The following GAB1 variants were observed in gnomAD, a reference collection of about 807,000 sequenced individuals.
GAB1 encodes the protein GRB2-associated-binding protein 1.
In GAB1, 19 loss-of-function variants were observed where a neutral mutation model predicts 66.5. The ratio of observed to expected loss-of-function variants is 0.29; its 90% confidence interval spans 0.20 to 0.42. The LOEUF is 0.42. Among genes scored for constraint, GAB1 ranks in the 10% least tolerant of loss-of-function variants. The pLI is 1.00. For missense variants in GAB1, 732 were observed against 858.5 expected, an observed-to-expected ratio of 0.85 and a Z score of 1.84; for synonymous variants, 294 against 301.4, an observed-to-expected ratio of 0.98 and a Z score of 0.25.
At chr4:143,400,867 G>T (rs1053930267) in intron 1 of GAB1, among the ~76,000 whole-genome samples, 1 of 151,490 alleles carries the variant, frequency 6.6e-6, no homozygotes, top group African/African-American at 2.4e-5. Context: ...TACTTAGAAG[G>T]TTGAGACAGG....
intron 2 of GAB1, among the ~76,000 whole-genome samples, chr4:143,427,228 C>G (rs1219400619): frequency 6.6e-6 from 1 of 152,104 alleles, no homozygotes; most frequent in African/African-American, 2.4e-5. Context: ...ATCTAACTGC[C>G]TTTATAATAA....
intron 2 of GAB1, chr4:143,425,651 C>A: frequency 1.3e-6 from 1 of 761,096 alleles, no homozygotes; most frequent in Non-Finnish European, 2.4e-6. Flanking sequence ...AACTCTACTT[C>A]TACAGAGATC....
At chr4:143,353,648 A>G (rs1456236071) in intron 1 of GAB1, among the ~76,000 whole-genome samples, 1 of 149,374 alleles carries the variant, frequency 6.7e-6, no homozygotes, top group African/African-American at 2.5e-5. Flanking sequence ...AGTTCAATTC[A>G]GTAACCTTGG....
At chr4:143,457,615 T>TTTTA in intron 6 of GAB1, 2 of 497,708 alleles carry the variant, frequency 4.0e-6, no homozygotes, top group Non-Finnish European at 6.5e-6. Flanking sequence ...TTTTTTTTTT[T>TTTTA]ACAGAATCCA....
intron 1 of GAB1, among the ~76,000 whole-genome samples, chr4:143,414,554 G>T (rs75769632): frequency 1.3e-5 from 2 of 152,046 alleles, no homozygotes; most frequent in African/African-American, 4.8e-5. Context: ...GGTCTTACTC[G>T]TATAGTCTTT....
intron 2 of GAB1, among the ~76,000 whole-genome samples, chr4:143,416,128 G>T (rs540191723): frequency 1.1e-4 from 17 of 152,140 alleles, no homozygotes; most frequent in African/African-American, 4.1e-4. Flanking sequence ...ACATTTGGCC[G>T]GGCGCGGTGG....
intron 1 of GAB1, among the ~76,000 whole-genome samples, chr4:143,387,288 C>T (rs557446575): frequency 2.0e-5 from 3 of 152,276 alleles, no homozygotes; most frequent in South Asian, 4.1e-4. Flanking sequence ...TGCGCCACCA[C>T]GCCCGGCTAA....
chr4:143,466,826 G>A (rs1477345178), intron 9 of GAB1, among the ~76,000 whole-genome samples: 2 of 152,042 alleles, frequency 1.3e-5, no homozygotes, highest in African/African-American at 4.8e-5. Context: ...CCAGTCTAGT[G>A]TCTTTACTCT....
chr4:143,440,576 G>A (rs1360481413), intron 6 of GAB1, among the ~76,000 whole-genome samples, 194 bp downstream of exon 6: 1 of 152,150 alleles, frequency 6.6e-6, no homozygotes, highest in African/African-American at 2.4e-5. Context: ...GTTGATGTGA[G>A]GTGATATTTA....
Position 143,337,111 on chromosome 4 carries a change from C to A in GAB1, c.-78C>A. ...AGAGCTAGGTTCTCGCCACTGCGCG[C>A]TCGGCAGGCGTCGGCTGTGTCGGGA... On this transcript the variant is annotated 5_prime_UTR_variant, in exon 1 of 10. Coordinates refer to ENST00000262994, the MANE Select transcript of GAB1 (RefSeq NM_002039.4). The A allele has an allele frequency of 7.5e-7, 1 of 1,329,222 alleles. No individual in the cohort carries two copies. Among genetic ancestry groups the A allele is most frequent in the Non-Finnish European group, 1.0e-6 (1 of 959,732 alleles). 82.3% of individuals were successfully genotyped at this position (1,329,222 alleles called of 1,614,324 possible). A position where few individuals can be genotyped will look rare whatever the true frequency, so the allele number is the denominator to read the frequency against.
intron 1 of GAB1, among the ~76,000 whole-genome samples, chr4:143,359,401 A>T (rs944793622): frequency 2.6e-5 from 4 of 152,160 alleles, no homozygotes; most frequent in Non-Finnish European, 5.9e-5. Flanking sequence ...ATCTGTCTTT[A>T]CCCAATATGA....
intron 1 of GAB1, among the ~76,000 whole-genome samples, chr4:143,386,563 T>C (rs1730926297): frequency 6.6e-6 from 1 of 152,072 alleles, no homozygotes; most frequent in South Asian, 2.1e-4. Flanking sequence ...AATTTTTTGA[T>C]TTTTTATAGG....
chr4:143,436,921 A>G (rs918618581), intron 3 of GAB1, among the ~76,000 whole-genome samples: 2 of 152,190 alleles, frequency 1.3e-5, no homozygotes, highest in Non-Finnish European at 2.9e-5. Context: ...GTAAAAGGTT[A>G]GAGGACTGAA....
intron 2 of GAB1, among the ~76,000 whole-genome samples, 173 bp from the exon 3 acceptor site, chr4:143,433,318 T>TA (rs113511954): frequency 1.3e-5 from 2 of 152,164 alleles, no homozygotes; most frequent in African/African-American, 4.8e-5. Context: ...TTGACAAGAA[T>TA]AAAAAAATAC....
chr4:143,448,434 G>A (rs1003404173), intron 6 of GAB1, among the ~76,000 whole-genome samples: 4 of 151,776 alleles, frequency 2.6e-5, no homozygotes, highest in Admixed American at 6.5e-5. Context: ...ACTCTTTTTG[G>A]TTGGTAAGCT....
chr4:143,441,184 G>C (rs1285667596), intron 6 of GAB1, among the ~76,000 whole-genome samples: 1 of 152,134 alleles, frequency 6.6e-6, no homozygotes, highest in Non-Finnish European at 1.5e-5. Flanking sequence ...GCCAAATTGG[G>C]TAATGCCTAC....
intron 1 of GAB1, among the ~76,000 whole-genome samples, chr4:143,374,278 G>A: frequency 6.6e-6 from 1 of 152,132 alleles, no homozygotes; most frequent in African/African-American, 2.4e-5. Context: ...AACAAGTCAA[G>A]TCAGGTGACT....
Position 143,415,661 on chromosome 4 carries a change from A to G in GAB1, c.257A>G (p.Asp86Gly). 6.2e-7 allele frequency: 1 copy of G among 1,614,054 alleles called. No individual in the cohort carries two copies. Among genetic ancestry groups the G allele is most frequent in the Non-Finnish European group, 8.5e-7 (1 of 1,179,876 alleles). ...GAGTTTGAAAACAGCTACATTTTTG[A>G]TATCAACACTATTGACCGGATTTTC... Reference protein sequence around the residue: ...KKEFENSYIFDINTIDRIFYL... With the variant: ...KKEFENSYIFGINTIDRIFYL... The change falls in exon 2 of 10, where the codon GAT becomes GGT. Residue 86 changes from aspartate (D) to glycine (G), a missense_variant. Coordinates refer to ENST00000262994, the MANE Select transcript of GAB1 (RefSeq NM_002039.4).
chr4:143,437,157 C>T (rs1733981104), intron 3 of GAB1, among the ~76,000 whole-genome samples: 1 of 146,190 alleles, frequency 6.8e-6, no homozygotes, highest in Non-Finnish European at 1.5e-5. Flanking sequence ...AAAAAAAAAT[C>T]ATAGTTATTT....
Sources: gnomAD v4.1 joint callset for allele counts (sites outside exome capture counted in the v4.1 genomes callset) on GRCh38, gnomAD v4.1.1 for gene constraint, MANE v1.5 for transcripts, NCBI Gene and HGNC (gene_info 2026-07-23, HGNC 2026-07-21) for gene names.